Variants in CCDC136 observed in about 807,000 individuals in gnomAD.
CCDC136 encodes the protein coiled-coil domain containing 136, also known as coiled-coil domain-containing protein 136.
Under a neutral mutation model 141.2 loss-of-function variants are expected in CCDC136, and 100 were observed. The observed-to-expected ratio is 0.71, with a 90% CI of 0.60 to 0.84. CCDC136 has a LOEUF of 0.84. Among genes scored for constraint, CCDC136 ranks in the 40% least tolerant of loss-of-function variants. The pLI is 0.00. For missense variants in CCDC136, 1,206 were observed against 1,379.4 expected (o/e 0.87, Z 1.99); for synonymous variants, 474 against 531.9 (o/e 0.89, Z 1.50).
rs1804950872 is a variant in CCDC136 at position 128,806,947 on chromosome 7, G to C, written c.1419+89G>C. On this transcript the variant is annotated intron_variant, in intron 9 of 17. Transcript: ENST00000297788. The stretch of plus-strand genomic sequence containing the variant: ...CAGAGGACGAGAGGGAATGGTAGGA[G>C]TGTGGAGGAGCTGGCAGTGAGGGGG... The C allele has an allele frequency of 4.4e-6, 6 of 1,372,450 alleles. No individual in the cohort carries two copies. In the South Asian group the frequency reaches 9.6e-5, roughly 22 times the overall value. 85.0% of individuals were successfully genotyped at this position (1,372,450 alleles called of 1,614,324 possible).
At chr7:128,813,656 A>C (rs1806117101) in intron 14 of CCDC136, among the ~76,000 whole-genome samples, 1 of 152,134 alleles carries the variant, frequency 6.6e-6, no homozygotes, top group Admixed American at 6.5e-5. Context: ...CCTGTTAGAG[A>C]GATGGGTTGG....
Position 128,807,524 on chromosome 7 carries a change from CA to C in CCDC136, c.1587del (p.Gly530GlufsTer14). ...LKASHPIPED[K>X]GKCANKCDTL... ...AGGCCTCCCACCCCATTCCGGAGGA[CA>C]AAGGAAAGTGTGCTAATAAGGTAAT... On this transcript the variant is annotated frameshift_variant, in exon 10 of 18. Transcript: ENST00000297788. LOFTEE classifies it high-confidence loss of function. The C allele has an allele frequency of 6.8e-7, 1 of 1,472,244 alleles. No homozygotes were observed. Among genetic ancestry groups the C allele is most frequent in the Non-Finnish European group, 9.1e-7 (1 of 1,104,026 alleles). 91.2% of individuals were successfully genotyped at this position (1,472,244 alleles called of 1,614,324 possible). A position where few individuals can be genotyped will look rare whatever the true frequency, so the allele number is the denominator to read the frequency against.
At position 128,792,273 on chromosome 7, in the gene CCDC136, G is replaced by A. The variant is rs1264435654; in HGVS notation, c.-139G>A. On this transcript the variant is annotated 5_prime_UTR_variant, in exon 1 of 18. Transcript: ENST00000297788. The stretch of plus-strand genomic sequence containing the variant: ...CCTTCTTTCCTCTGCACCCCAGCCC[G>A]CAGCCAGCCCCCCACCCCCCAGCCC... 4.0e-6 allele frequency: 5 copies of A among 1,253,552 alleles called. No homozygotes were observed. Among genetic ancestry groups the A allele is most frequent in the South Asian group, 1.3e-5 (1 of 78,274 alleles). 77.7% of individuals were successfully genotyped at this position (1,253,552 alleles called of 1,614,324 possible). A position where few individuals can be genotyped will look rare whatever the true frequency, so the allele number is the denominator to read the frequency against.
Position 128,801,513 on chromosome 7 carries a change from T to G in CCDC136, c.670+4T>G. ...TCAGATTACTCTGGGTTACAAGGTA[T>G]GAGAGCCATCAAGTGGGTCAGTAAA... On this transcript the variant is annotated splice_donor_region_variant and intron_variant, in intron 4 of 17. Transcript: ENST00000297788. The G allele has an allele frequency of 6.3e-7, 1 of 1,585,746 alleles. No individual in the cohort carries two copies. Among genetic ancestry groups the G allele is most frequent in the Non-Finnish European group, 8.6e-7 (1 of 1,160,186 alleles).
intron 16 of CCDC136, 78 bp downstream of exon 16, chr7:128,816,009 G>A: frequency 1.4e-6 from 2 of 1,406,060 alleles, no homozygotes; most frequent in Non-Finnish European, 1.9e-6. Flanking sequence ...GGGTGGCCCT[G>A]CCAAGGATGG....
intron 10 of CCDC136, chr7:128,809,070 T>G: frequency 2.9e-6 from 2 of 678,056 alleles, no homozygotes; most frequent in Non-Finnish European, 3.7e-6. Flanking sequence ...CTGGGGTTAA[T>G]GAGAATAACA....
Position 128,801,523 on chromosome 7 carries a change from C to T in CCDC136, c.670+14C>T, listed in dbSNP as rs767859626. On this transcript the variant is annotated intron_variant, in intron 4 of 17. Coordinates refer to ENST00000297788, the MANE Select transcript of CCDC136 (RefSeq NM_022742.5). ...CTGGGTTACAAGGTATGAGAGCCAT[C>T]AAGTGGGTCAGTAAAGTCAAGCAGA... 3 of 1,559,718 alleles carry T rather than the reference C, an allele frequency of 1.9e-6. No homozygotes were observed. The highest frequency in any genetic ancestry group is 1.4e-5 in the African/African-American group (1 of 73,638).
chr7:128,808,412 T>A (rs888626346), intron 10 of CCDC136: 1 of 870,276 alleles, frequency 1.1e-6, no homozygotes, highest in Non-Finnish European at 1.4e-6. Context: ...CACTTCCTTT[T>A]AGCAGTAAAT....
At chr7:128,808,867 C>G (rs1805270873) in intron 10 of CCDC136, 2 of 985,284 alleles carry the variant, frequency 2.0e-6, no homozygotes, top group Admixed American at 1.2e-4. Context: ...AGCCGTAAAA[C>G]AGCATTGAGA....
rs777464275 is a variant in CCDC136 at position 128,805,850 on chromosome 7, G to T, written c.1038G>T (p.Lys346Asn). 1.2e-6 allele frequency: 2 copies of T among 1,613,888 alleles called. No individual in the cohort carries two copies. Among genetic ancestry groups the T allele is most frequent in the South Asian group, 2.2e-5 (2 of 91,078 alleles). The change falls in exon 7 of 18, where the codon AAG becomes AAT. Residue 346 changes from lysine to asparagine, a missense_variant. Physicochemically the swap from Lys to Asn is moderately conservative, Grantham distance 94 (BLOSUM62 0). Coordinates refer to ENST00000297788, the MANE Select transcript of CCDC136 (RefSeq NM_022742.5). The surrounding 1 kb of genome is among the most constrained non-coding windows in gnomAD (Gnocchi z 4.6). ...EEQRRLQREL[K>N]CAQNEVLRFQ... ...AGAGGCGGCTGCAGAGGGAGCTCAA[G>T]TGTGCTCAGAATGAGGTGCTTCGGT... is the stretch of plus-strand genomic sequence containing the variant.
chr7:128,806,173 G>T, intron 7 of CCDC136, 64 bp from the exon 8 acceptor site: 1 of 1,413,376 alleles, frequency 7.1e-7, no homozygotes, highest in Non-Finnish European at 9.5e-7. Context: ...GAACCCAACT[G>T]ATCCGTAGAA....
chr7:128,790,790 A>C (rs1802091715), upstream of CCDC136: 1 of 151,830 alleles, frequency 6.6e-6, no homozygotes. The surrounding 1 kb of genome is among the most constrained non-coding windows in gnomAD (Gnocchi z 5.4). Flanking sequence ...TGATGGGGCC[A>C]CCGGAGGGCT....
rs1300413087 is a variant in CCDC136 at position 128,821,542 on chromosome 7, G to T, written c.*6-257G>T. Among the ~76,000 whole-genome samples, 1 of 152,206 alleles carries T rather than the reference G, an allele frequency of 6.6e-6. No homozygotes were observed. Among genetic ancestry groups the T allele is most frequent in the Admixed American group, 6.5e-5 (1 of 15,278 alleles). Reference sequence around the variant, plus strand: ...CCTGAGCCTGCTTCTTCACATGGGAGCTAGTATTCTCAGCCCATGGGGAGA... The same window carrying T: ...CCTGAGCCTGCTTCTTCACATGGGATCTAGTATTCTCAGCCCATGGGGAGA... On this transcript the variant is annotated intron_variant, in intron 17 of 17. Coordinates refer to ENST00000297788, the MANE Select transcript of CCDC136 (RefSeq NM_022742.5). The surrounding 1 kb of genome is among the most constrained non-coding windows in gnomAD (Gnocchi z 5.1).
At chr7:128,806,426 T>A (rs1185989286) in intron 8 of CCDC136, 31 bp downstream of exon 8, 2 of 1,575,144 alleles carry the variant, frequency 1.3e-6, no homozygotes, top group African/African-American at 2.7e-5. Flanking sequence ...GGGGACAACT[T>A]AGGTGCTAAG....
In CCDC136 at chr7:128,817,850, G is replaced by A. The variant is rs376488298; in HGVS notation, c.3456G>A (p.Thr1152=). ...TGCTCTGGTGCTGGTGGGCTGAGAC[G>A]TCGTCCTAATGCAGGTACTGGTATT... The part of the protein sequence containing the change: ...SALLWCWWAE[T]SS The change falls in exon 17 of 18, where the codon ACG becomes ACA. Residue 1152 remains threonine (T), a synonymous_variant. Coordinates refer to ENST00000297788, the MANE Select transcript of CCDC136 (RefSeq NM_022742.5). This position sits in a 1 kb window ranked among gnomAD's most constrained non-coding sequence, Gnocchi z 4.6. 2.2e-5 allele frequency: 35 copies of A among 1,613,458 alleles called. No individual in the cohort carries two copies. In the African/African-American group the frequency reaches 2.3e-4, roughly 10 times the overall value.
intron 10 of CCDC136, 164 bp downstream of exon 10, chr7:128,807,709 C>G (rs1031096334): frequency 4.5e-6 from 2 of 445,382 alleles, no homozygotes; most frequent in Non-Finnish European, 7.9e-6. Flanking sequence ...TTTGCCCTGA[C>G]CTTGACTTTG....
chr7:128,821,741 T>C lies in CCDC136; in HGVS notation c.*6-58T>C. On this transcript the variant is annotated intron_variant, in intron 17 of 17. Transcript: ENST00000297788. The surrounding 1 kb of genome is among the most constrained non-coding windows in gnomAD (Gnocchi z 5.1). ...TGGGCACCCATAGGCAGGTGACTTC[T>C]GGCTTAGGGCAGGGTTCAGGAGGCT... The C allele has an allele frequency of 7.8e-7, 1 of 1,279,276 alleles. No homozygotes were observed. Among genetic ancestry groups the C allele is most frequent in the Non-Finnish European group, 1.0e-6 (1 of 979,262 alleles). 79.2% of individuals were successfully genotyped at this position (1,279,276 alleles called of 1,614,324 possible).
intron 14 of CCDC136, among the ~76,000 whole-genome samples, chr7:128,813,622 A>C (rs1236543508): frequency 1.3e-5 from 2 of 152,198 alleles, no homozygotes; most frequent in East Asian, 3.9e-4. Flanking sequence ...AGGAGTGTAC[A>C]ACACAGTTCT....
upstream of CCDC136, chr7:128,791,554 C>G (rs1802165284): frequency 2.4e-6 from 3 of 1,262,434 alleles, no homozygotes; most frequent in South Asian, 9.1e-5. The surrounding 1 kb of genome is among the most constrained non-coding windows in gnomAD (Gnocchi z 7.1). Context: ...GGGCCCAGGT[C>G]AGAGCCGCCC....
Sources: allele counts gnomAD v4.1 joint callset (sites outside exome capture counted in the v4.1 genomes callset), GRCh38; gene constraint gnomAD v4.1.1; non-coding constraint Gnocchi (gnomAD v3.1); transcripts MANE v1.5; gene names NCBI Gene and HGNC (gene_info 2026-07-23, HGNC 2026-07-21).